The following PRKCE variants were observed in gnomAD, a reference collection of about 807,000 sequenced individuals.
PRKCE encodes the protein protein kinase C epsilon, also known as protein kinase C epsilon type.
In PRKCE, 16 loss-of-function variants were observed where a neutral mutation model predicts 85.4. The ratio of observed to expected loss-of-function variants is 0.19; its 90% CI spans 0.13 to 0.28. PRKCE has a LOEUF of 0.28. PRKCE is among the 10% of genes least tolerant of loss of function. The pLI is 1.00. For synonymous variants in PRKCE, 388 were observed against 371.5 expected (o/e 1.04, Z -0.51); for missense variants, 573 against 975.2 (o/e 0.59, Z 5.49).
At chr2:45,856,519 T>A (rs768304269) in intron 2 of PRKCE, among the ~76,000 whole-genome samples, 1 of 152,216 alleles carries the variant, frequency 6.6e-6, no homozygotes, top group Non-Finnish European at 1.5e-5. Context: ...GCGTGAGCCA[T>A]GTGCCTGGCG....
chr2:46,170,456 A>G (rs1057044202), intron 14 of PRKCE, among the ~76,000 whole-genome samples: 1 of 152,262 alleles, frequency 6.6e-6, no homozygotes, highest in African/African-American at 2.4e-5. Context: ...ACAATTAGCA[A>G]TGCACAGTAA....
At chr2:46,117,088 T>A (rs1349754566) in intron 11 of PRKCE, among the ~76,000 whole-genome samples, 1 of 152,170 alleles carries the variant, frequency 6.6e-6, no homozygotes, top group Non-Finnish European at 1.5e-5. Context: ...CTATCAAAAG[T>A]ACTGGAGAAT....
intron 1 of PRKCE, among the ~76,000 whole-genome samples, chr2:45,805,001 A>T: frequency 6.8e-6 from 1 of 146,916 alleles, no homozygotes; most frequent in South Asian, 2.2e-4. Context: ...AGAAGAGATG[A>T]CTGTTCTAGA....
intron 13 of PRKCE, 77 bp downstream of exon 13, chr2:46,151,306 C>T: frequency 6.1e-6 from 7 of 1,156,556 alleles, no homozygotes; most frequent in Non-Finnish European, 7.4e-6. Context: ...CACACACACA[C>T]ACACACACAC....
At position 46,001,573 on chromosome 2, in the gene PRKCE, G is replaced by A; in HGVS notation, c.966+27G>A. ...TAACTGGCTGTTTGGTGGTGTTGCT[G>A]GAGCCCTTTTCAGGCTAGCATTTCT... On this transcript the variant is annotated intron_variant, in intron 7 of 14. Transcript: ENST00000306156. This position sits in a 1 kb window ranked among gnomAD's most constrained non-coding sequence, Gnocchi z 4.4. The A allele has an allele frequency of 1.9e-6, 3 of 1,592,262 alleles. No individual in the cohort carries two copies. Among genetic ancestry groups the A allele is most frequent in the Middle Eastern group, 1.7e-4 (1 of 6,008 alleles).
intron 2 of PRKCE, among the ~76,000 whole-genome samples, chr2:45,906,102 T>C (rs1261876190): frequency 6.6e-6 from 1 of 152,260 alleles, no homozygotes; most frequent in African/African-American, 2.4e-5. Context: ...GCGGCTTTCC[T>C]GCTCCCCGCA....
At chr2:45,689,675 C>G (rs549795497) in intron 1 of PRKCE, among the ~76,000 whole-genome samples, 3 of 151,772 alleles carry the variant, frequency 2.0e-5, no homozygotes, top group African/African-American at 4.8e-5. Flanking sequence ...TTTGGGAGGC[C>G]GAGGGAGGTC....
intron 2 of PRKCE, among the ~76,000 whole-genome samples, chr2:45,873,455 CA>C (rs56281653): frequency 0.066 from 9,529 of 143,632 alleles, 763 homozygotes; most frequent in African/African-American, 0.19. Context: ...TAGTAGACTG[CA>C]AAAAAAAAAA....
chr2:45,842,559 A>G (rs1017175018), intron 1 of PRKCE, among the ~76,000 whole-genome samples: 22 of 152,332 alleles, frequency 1.4e-4, no homozygotes, highest in Admixed American at 9.8e-4. Flanking sequence ...CACAATTTCC[A>G]TATCTGTAAA....
At chr2:46,115,408 G>C (rs1302490619) in intron 11 of PRKCE, among the ~76,000 whole-genome samples, 3 of 152,180 alleles carry the variant, frequency 2.0e-5, no homozygotes, top group Non-Finnish European at 4.4e-5. Context: ...CAAATTCACA[G>C]TGAAAAATTT....
intron 10 of PRKCE, among the ~76,000 whole-genome samples, chr2:46,083,485 G>A (rs994977635): frequency 1.3e-5 from 2 of 152,160 alleles, no homozygotes; most frequent in Non-Finnish European, 2.9e-5. Context: ...ACACAGTCAA[G>A]GAAATACTCC....
intron 10 of PRKCE, among the ~76,000 whole-genome samples, chr2:46,037,290 G>A (rs187739000): frequency 9.2e-5 from 14 of 152,326 alleles, no homozygotes; most frequent in East Asian, 1.9e-4. Context: ...CTAAACAGGC[G>A]TACTGGCGCT....
At chr2:45,863,394 G>A (rs1693326339) in intron 2 of PRKCE, among the ~76,000 whole-genome samples, 1 of 152,092 alleles carries the variant, frequency 6.6e-6, no homozygotes, top group Non-Finnish European at 1.5e-5. Context: ...CAATACCAGG[G>A]TAAAATAGCA....
At position 45,652,032 on chromosome 2, in the gene PRKCE, G is replaced by A; in HGVS notation, c.-69G>A. On this transcript the variant is annotated 5_prime_UTR_variant, in exon 1 of 15. Coordinates refer to ENST00000306156, the MANE Select transcript of PRKCE (RefSeq NM_005400.3). This position sits in a 1 kb window ranked among gnomAD's most constrained non-coding sequence, Gnocchi z 7.7. ...GAGTCCCTGTGGCTCGGAGTGCCGG[G>A]CCGTCGGTTCTTCATTCCTGCCCTC... The A allele has an allele frequency of 8.0e-7, 1 of 1,255,754 alleles. No homozygotes were observed. The highest frequency in any genetic ancestry group is 1.1e-6 in the Non-Finnish European group (1 of 900,060). 77.8% of individuals were successfully genotyped at this position (1,255,754 alleles called of 1,614,324 possible). A position where few individuals can be genotyped will look rare whatever the true frequency, so the allele number is the denominator to read the frequency against.
chr2:46,051,609 T>G (rs1016569757), intron 10 of PRKCE, among the ~76,000 whole-genome samples: 6 of 152,190 alleles, frequency 3.9e-5, no homozygotes, highest in Non-Finnish European at 7.3e-5. Context: ...CAGTTGTTCA[T>G]GGGCCATTTC....
chr2:45,753,860 T>C lies in PRKCE; in HGVS notation c.349-89140T>C, dbSNP rs902895060. Reference sequence around the variant, plus strand: ...CATTCCCCTCCCAAATATTTCTGACTGCATCTCCAAAAAAATAAAGACATT... The same window carrying C: ...CATTCCCCTCCCAAATATTTCTGACCGCATCTCCAAAAAAATAAAGACATT... On this transcript the variant is annotated intron_variant, in intron 1 of 14. Transcript: ENST00000306156. Among the ~76,000 whole-genome samples, 6 of 152,178 alleles carry C rather than the reference T, an allele frequency of 3.9e-5. No individual in the cohort carries two copies. In the East Asian group the frequency reaches 1.2e-3, roughly 29 times the overall value.
At chr2:45,991,811 G>A (rs1228702192) in intron 6 of PRKCE, among the ~76,000 whole-genome samples, 1 of 152,226 alleles carries the variant, frequency 6.6e-6, no homozygotes, top group Non-Finnish European at 1.5e-5. Flanking sequence ...GTCAAGCCAT[G>A]TTAATGGACT....
At chr2:45,996,781 T>C (rs938378743) in intron 6 of PRKCE, among the ~76,000 whole-genome samples, 3 of 152,152 alleles carry the variant, frequency 2.0e-5, no homozygotes, top group Non-Finnish European at 4.4e-5. Context: ...TTCATAAAAG[T>C]TATTGATCTG....
intron 2 of PRKCE, among the ~76,000 whole-genome samples, chr2:45,948,192 A>G (rs749581433): frequency 6.6e-6 from 1 of 152,226 alleles, no homozygotes; most frequent in Admixed American, 6.5e-5. Context: ...TCTCCTTGCT[A>G]TACCCATAAC....
Sources: allele counts gnomAD v4.1 joint callset (sites outside exome capture counted in the v4.1 genomes callset), GRCh38; gene constraint gnomAD v4.1.1; non-coding constraint Gnocchi (gnomAD v3.1); transcripts MANE v1.5; gene names NCBI Gene and HGNC (gene_info 2026-07-23, HGNC 2026-07-21).